CNBD1: variants seen among roughly 807,000 people sequenced by gnomAD.
The protein encoded by CNBD1 is cyclic nucleotide-binding domain-containing protein 1.
A neutral mutation model predicts 54.4 loss-of-function variants in CNBD1; 71 were observed. The observed-to-expected ratio is 1.30, with a 90% CI of 1.08 to 1.59. The LOEUF (loss-of-function observed/expected upper bound fraction) is 1.59, where lower values mean the gene tolerates loss of function less well. Ranked by LOEUF, CNBD1 falls within the 40% of genes most tolerant of loss-of-function variation. CNBD1 has a pLI of 0.00. For synonymous variants in CNBD1, 182 were observed against 170.7 expected (o/e 1.07, Z -0.51); for missense variants, 659 against 518.0 (o/e 1.27, Z -2.64).
chr8:87,216,309 G>T (rs992482792), intron 5 of CNBD1, among the ~76,000 whole-genome samples: 3 of 152,078 alleles, frequency 2.0e-5, no homozygotes, highest in African/African-American at 7.2e-5. Context: ...CTCTTTCTGT[G>T]AAATGATTTA....
chr8:87,222,487 G>C (rs1283372328), intron 5 of CNBD1, among the ~76,000 whole-genome samples: 2 of 152,136 alleles, frequency 1.3e-5, no homozygotes, highest in African/African-American at 2.4e-5. Flanking sequence ...AATTAGGTTG[G>C]ATGGGGGCAG....
intron 8 of CNBD1, among the ~76,000 whole-genome samples, chr8:87,334,690 G>T (rs1366418091): frequency 3.4e-5 from 5 of 147,934 alleles, no homozygotes; most frequent in Non-Finnish European, 6.0e-5. Flanking sequence ...TTTTGAGTGA[G>T]TTTTCTTTTT....
At chr8:87,211,117 G>A (rs1475599867) in intron 5 of CNBD1, among the ~76,000 whole-genome samples, 1 of 152,210 alleles carries the variant, frequency 6.6e-6, no homozygotes, top group Non-Finnish European at 1.5e-5. Flanking sequence ...TTAATTTTGA[G>A]TTTTAAGACT....
chr8:87,366,734 T>A (rs561721328), intron 10 of CNBD1, among the ~76,000 whole-genome samples: 9 of 152,176 alleles, frequency 5.9e-5, no homozygotes, highest in African/African-American at 1.9e-4. Flanking sequence ...GTATCTCTGC[T>A]TTCCACTGCC....
chr8:86,915,166 T>C (rs112455091), intron 3 of CNBD1, among the ~76,000 whole-genome samples: 1,972 of 152,146 alleles, frequency 0.013, 23 homozygotes, highest in South Asian at 0.033. Flanking sequence ...GATGCAACCA[T>C]AGGAATGTGG....
intron 8 of CNBD1, among the ~76,000 whole-genome samples, chr8:87,292,284 G>C (rs879761783): frequency 2.6e-5 from 4 of 152,130 alleles, no homozygotes; most frequent in Non-Finnish European, 5.9e-5. Context: ...AAGGCAATTT[G>C]GATTTAAGGT....
At chr8:87,354,178 A>T (rs1010554966) in intron 10 of CNBD1, among the ~76,000 whole-genome samples, 11 of 152,120 alleles carry the variant, frequency 7.2e-5, no homozygotes, top group African/African-American at 2.4e-4. Flanking sequence ...ACAGCTGAAA[A>T]TGGGAGCCTT....
chr8:86,900,769 A>C (rs1808920200), intron 2 of CNBD1, among the ~76,000 whole-genome samples: 1 of 152,144 alleles, frequency 6.6e-6, no homozygotes, highest in Non-Finnish European at 1.5e-5. Context: ...AGTAGGGAGA[A>C]CTTAAGTTAG....
intron 2 of CNBD1, among the ~76,000 whole-genome samples, chr8:87,418,420 T>C (rs1054981030): frequency 1.3e-5 from 2 of 151,928 alleles, no homozygotes; most frequent in Admixed American, 1.3e-4. Flanking sequence ...GAAGGAAGCA[T>C]AGATGTAAAT....
intron 8 of CNBD1, among the ~76,000 whole-genome samples, chr8:87,327,051 G>A (rs187990921): frequency 3.8e-4 from 57 of 149,940 alleles, no homozygotes; most frequent in South Asian, 3.6e-3. Context: ...AGATCTGTTG[G>A]AATACCCTGC....
Position 87,286,654 on chromosome 8 carries a change from A to C in CNBD1, c.1025A>C (p.Lys342Thr), listed in dbSNP as rs1289071619. ...YELIALLKWK[K>T]FPPGHVIVES... ...CTAATTGCACTCCTTAAATGGAAAA[A>C]ATTTCCTCCAGGTCATGGTAAGTTT... The change falls in exon 8 of 11, where the codon AAA (lysine) becomes ACA (threonine). Residue 342 changes from lysine to threonine, a missense_variant. Physicochemically the swap from Lys to Thr is moderately conservative, Grantham distance 78. Coordinates refer to ENST00000518476, the MANE Select transcript of CNBD1 (RefSeq NM_173538.3). The C allele has an allele frequency of 2.6e-6, 4 of 1,542,440 alleles. No individual in the cohort carries two copies. The highest frequency in any genetic ancestry group is 2.7e-5 in the African/African-American group (2 of 72,782).
chr8:87,069,254 A>G (rs957241439), intron 4 of CNBD1, among the ~76,000 whole-genome samples: 8 of 152,032 alleles, frequency 5.3e-5, no homozygotes, highest in Admixed American at 1.3e-4. Flanking sequence ...AGTAACTTGA[A>G]TAATTATGAC....
chr8:87,390,822 CAA>C (rs1811293788), intron 2 of CNBD1, among the ~76,000 whole-genome samples: 1 of 152,114 alleles, frequency 6.6e-6, no homozygotes, highest in South Asian at 2.1e-4. Context: ...TTCACAATAG[CAA>C]AGACTTGGAA....
Position 87,382,702 on chromosome 8 carries a change from C to T in CNBD1, c.*75C>T, listed in dbSNP as rs1045218361. On this transcript the variant is annotated 3_prime_UTR_variant, in exon 11 of 11. Transcript: ENST00000518476. ...AATGGAATAATTGCATTCTGGAATACTATCAAACTACCAGCAATGAATTTG... is the reference window on the plus strand; with the variant it reads ...AATGGAATAATTGCATTCTGGAATATTATCAAACTACCAGCAATGAATTTG... 9.1e-7 allele frequency: 1 copy of T among 1,097,588 alleles called. No individual in the cohort carries two copies. The allele number at this position is 1,097,588 out of a possible 1,614,324, so 68.0% of individuals were successfully genotyped here.
At chr8:87,042,821 C>T (rs1194757394) in intron 4 of CNBD1, among the ~76,000 whole-genome samples, 1 of 151,606 alleles carries the variant, frequency 6.6e-6, no homozygotes. Context: ...TATAAATATG[C>T]TTGTTATATT....
chr8:87,177,774 TTAAA>T (rs1452637332), intron 4 of CNBD1, among the ~76,000 whole-genome samples: 4 of 152,194 alleles, frequency 2.6e-5, no homozygotes, highest in African/African-American at 9.6e-5. Context: ...TAATGTTACA[TTAAA>T]TAAATATCTA....
intron 3 of CNBD1, among the ~76,000 whole-genome samples, chr8:86,934,485 T>C (rs896074411): frequency 6.6e-6 from 1 of 152,176 alleles, no homozygotes; most frequent in Non-Finnish European, 1.5e-5. Context: ...TTACATTTTG[T>C]AGTTATTTTA....
chr8:87,244,962 T>A (rs1032279397), intron 6 of CNBD1, among the ~76,000 whole-genome samples: 1 of 152,156 alleles, frequency 6.6e-6, no homozygotes, highest in Non-Finnish European at 1.5e-5. Context: ...ATGTGATTGC[T>A]TTATTCTTAA....
intron 4 of CNBD1, among the ~76,000 whole-genome samples, chr8:87,056,010 G>C (rs1366179364): frequency 6.6e-6 from 1 of 151,116 alleles, no homozygotes; most frequent in Non-Finnish European, 1.5e-5. Flanking sequence ...TATTTGTGGA[G>C]CACTTACTAT....
Sources: gnomAD v4.1 joint callset for allele counts (sites outside exome capture counted in the v4.1 genomes callset) on GRCh38, gnomAD v4.1.1 for gene constraint, MANE v1.5 for transcripts, NCBI Gene and HGNC (gene_info 2026-07-23, HGNC 2026-07-21) for gene names.